CNTNAP5: variants seen among roughly 807,000 people sequenced by gnomAD.
The protein encoded by CNTNAP5 is contactin associated protein family member 5, also known as contactin-associated protein-like 5.
In CNTNAP5, 72 loss-of-function variants were observed where a neutral mutation model predicts 150.2. The ratio of observed to expected loss-of-function variants is 0.48; its 90% CI spans 0.40 to 0.58. The LOEUF is 0.58. Among genes scored for constraint, CNTNAP5 ranks in the 20% least tolerant of loss-of-function variants. CNTNAP5 has a pLI of 0.00. For missense variants in CNTNAP5, 1,636 were observed against 1,626.2 expected, an observed-to-expected ratio of 1.01 and a Z score of -0.10; for synonymous variants, 672 against 619.8, an observed-to-expected ratio of 1.08 and a Z score of -1.25.
intron 6 of CNTNAP5, among the ~76,000 whole-genome samples, chr2:124,447,159 T>C (rs1380231831): frequency 6.6e-6 from 1 of 150,400 alleles, no homozygotes; most frequent in Non-Finnish European, 1.5e-5. Context: ...ATAGCAGCTC[T>C]GTGCATTTTA....
chr2:124,248,095 A>G (rs1053908724), intron 3 of CNTNAP5, among the ~76,000 whole-genome samples: 1 of 152,206 alleles, frequency 6.6e-6, no homozygotes, highest in South Asian at 2.1e-4. Flanking sequence ...TTACAATGTC[A>G]CAGACTAACA....
intron 11 of CNTNAP5, among the ~76,000 whole-genome samples, chr2:124,602,320 G>A (rs1237709858): frequency 6.4e-5 from 8 of 125,026 alleles, no homozygotes; most frequent in African/African-American, 9.4e-5. Context: ...CCAGCCTGGC[G>A]ACAGAGCAAG....
chr2:124,441,572 A>C (rs1692675209), intron 5 of CNTNAP5, among the ~76,000 whole-genome samples: 2 of 152,062 alleles, frequency 1.3e-5, no homozygotes, highest in Admixed American at 6.6e-5. Context: ...TTTATCAAAA[A>C]GGGCAGTCAC....
chr2:124,783,577 C>T (rs996941748), intron 17 of CNTNAP5, among the ~76,000 whole-genome samples: 2 of 152,090 alleles, frequency 1.3e-5, no homozygotes, highest in Non-Finnish European at 2.9e-5. Context: ...TCTTTCACAA[C>T]ATTTATTTCT....
intron 1 of CNTNAP5, among the ~76,000 whole-genome samples, chr2:124,093,436 A>T (rs971106173): frequency 6.6e-6 from 1 of 152,232 alleles, no homozygotes; most frequent in Non-Finnish European, 1.5e-5. Context: ...TGAAGGAGTG[A>T]TGATTGTTAA....
chr2:124,502,819 G>T (rs1694307776), intron 7 of CNTNAP5, among the ~76,000 whole-genome samples: 1 of 152,152 alleles, frequency 6.6e-6, no homozygotes, highest in African/African-American at 2.4e-5. Flanking sequence ...GAGGATGGAG[G>T]TATCAGAGAT....
intron 11 of CNTNAP5, among the ~76,000 whole-genome samples, chr2:124,575,559 A>C (rs1696264484): frequency 6.6e-6 from 1 of 152,240 alleles, no homozygotes; most frequent in South Asian, 2.1e-4. Context: ...TTGGCCTTGA[A>C]GTTATTTCTC....
intron 21 of CNTNAP5, among the ~76,000 whole-genome samples, chr2:124,892,416 G>T (rs1166838111): frequency 6.6e-6 from 1 of 152,054 alleles, no homozygotes; most frequent in Admixed American, 6.6e-5. Flanking sequence ...GCTCACATCT[G>T]GGTCACTGAA....
At chr2:124,325,532 T>C (rs547018083) in intron 3 of CNTNAP5, among the ~76,000 whole-genome samples, 2 of 148,548 alleles carry the variant, frequency 1.3e-5, no homozygotes, top group South Asian at 2.1e-4. Flanking sequence ...AAGTGATTTG[T>C]TTTTTTATTT....
chr2:124,560,081 A>G (rs548770727), intron 10 of CNTNAP5, among the ~76,000 whole-genome samples: 1 of 152,340 alleles, frequency 6.6e-6, no homozygotes, highest in South Asian at 2.1e-4. Flanking sequence ...AATTGAGTTT[A>G]TCATTGTAAA....
At chr2:124,830,567 A>C (rs549490151) in intron 19 of CNTNAP5, among the ~76,000 whole-genome samples, 1 of 152,192 alleles carries the variant, frequency 6.6e-6, no homozygotes, top group East Asian at 1.9e-4. Flanking sequence ...TAATAGAGGA[A>C]TGTAAACACA....
chr2:124,284,041 T>TCC (rs1688085827), intron 3 of CNTNAP5, among the ~76,000 whole-genome samples: 1 of 152,138 alleles, frequency 6.6e-6, no homozygotes, highest in African/African-American at 2.4e-5. Flanking sequence ...TATGTTCTCA[T>TCC]TGTTCAGCTC....
chr2:124,418,863 G>A (rs1359516643), intron 4 of CNTNAP5, among the ~76,000 whole-genome samples: 2 of 152,000 alleles, frequency 1.3e-5, no homozygotes, highest in African/African-American at 2.4e-5. Context: ...GGCCGGGCGC[G>A]GTGGCTCACG....
At chr2:124,123,262 C>T (rs193293542) in intron 1 of CNTNAP5, among the ~76,000 whole-genome samples, 2 of 152,200 alleles carry the variant, frequency 1.3e-5, no homozygotes, top group East Asian at 3.9e-4. Context: ...TATCCCATGC[C>T]TGGCTCGGAG....
intron 1 of CNTNAP5, among the ~76,000 whole-genome samples, chr2:124,170,695 A>G (rs1684909793): frequency 6.6e-6 from 1 of 152,092 alleles, no homozygotes; most frequent in Non-Finnish European, 1.5e-5. Context: ...AGCCTTTCCC[A>G]TTGCATATGG....
At chr2:124,792,132 G>T (rs919611495) in intron 18 of CNTNAP5, among the ~76,000 whole-genome samples, 1 of 152,090 alleles carries the variant, frequency 6.6e-6, no homozygotes, top group Admixed American at 6.6e-5. Flanking sequence ...CAAGGAGATG[G>T]TGTGTAAATA....
intron 21 of CNTNAP5, among the ~76,000 whole-genome samples, chr2:124,873,909 G>A (rs528701904): frequency 8.5e-5 from 13 of 152,112 alleles, no homozygotes; most frequent in African/African-American, 3.1e-4. Context: ...GCAAAAGCAA[G>A]TTTGTTCATT....
intron 1 of CNTNAP5, among the ~76,000 whole-genome samples, chr2:124,137,262 G>T (rs1683995460): frequency 6.6e-6 from 1 of 151,772 alleles, no homozygotes; most frequent in South Asian, 2.1e-4. Flanking sequence ...AAAAAATAAA[G>T]CTGCCTTTGA....
chr2:124,408,369 G>C (rs1339336088), intron 3 of CNTNAP5, among the ~76,000 whole-genome samples: 1 of 152,204 alleles, frequency 6.6e-6, no homozygotes, highest in East Asian at 1.9e-4. Context: ...GCTCGGACTG[G>C]GTGGAGCCCA....
Sources: gnomAD v4.1 joint callset for allele counts (sites outside exome capture counted in the v4.1 genomes callset) on GRCh38, gnomAD v4.1.1 for gene constraint, MANE v1.5 for transcripts, NCBI Gene and HGNC (gene_info 2026-07-23, HGNC 2026-07-21) for gene names.